DOCK2: variants seen among roughly 807,000 people sequenced by gnomAD.
DOCK2 encodes the protein dedicator of cytokinesis protein 2.
DOCK2 carries 87 observed loss-of-function variants against 248.9 expected under a neutral mutation model. The ratio of observed to expected loss-of-function variants is 0.35; its 90% CI spans 0.29 to 0.42. The LOEUF is 0.42. DOCK2 is among the 10% of genes least tolerant of loss of function. The probability of loss-of-function intolerance (pLI) is 1.00; values close to 1 mark genes in which losing one functional copy is unlikely to be tolerated. For synonymous variants in DOCK2, 805 were observed against 821.6 expected (o/e 0.98, Z 0.35); for missense variants, 1,747 against 2,300.2 (o/e 0.76, Z 4.92).
At chr5:170,019,716 C>T (rs1755655742) in intron 33 of DOCK2, among the ~76,000 whole-genome samples, 1 of 152,168 alleles carries the variant, frequency 6.6e-6, no homozygotes, top group South Asian at 2.1e-4. Context: ...GGTCCATTTC[C>T]CGGGCCTGGT....
intron 26 of DOCK2, among the ~76,000 whole-genome samples, chr5:169,817,849 A>C (rs151321610): frequency 1.3e-5 from 2 of 152,322 alleles, no homozygotes; most frequent in East Asian, 3.9e-4. Context: ...CTCAATAATT[A>C]ATGTCCGTGG....
intron 22 of DOCK2, among the ~76,000 whole-genome samples, chr5:169,741,287 G>A (rs262847): frequency 0.1 from 15,707 of 152,154 alleles, 1,038 homozygotes; most frequent in South Asian, 0.18. Flanking sequence ...TCTCTTTCAC[G>A]AATCCTTTGC....
At chr5:169,930,779 C>T (rs1014780696) in intron 27 of DOCK2, among the ~76,000 whole-genome samples, 7 of 152,192 alleles carry the variant, frequency 4.6e-5, no homozygotes, top group African/African-American at 1.4e-4. Flanking sequence ...GCCTCCATTT[C>T]CAGGTTGTTG....
chr5:169,787,253 A>G (rs1244561947), intron 25 of DOCK2, among the ~76,000 whole-genome samples: 1 of 152,232 alleles, frequency 6.6e-6, no homozygotes, highest in Non-Finnish European at 1.5e-5. Flanking sequence ...TTGATGGCCG[A>G]CATTTCCTTC....
At chr5:169,791,536 T>G (rs530469921) in intron 25 of DOCK2, among the ~76,000 whole-genome samples, 23 of 152,332 alleles carry the variant, frequency 1.5e-4, no homozygotes, top group Non-Finnish European at 2.2e-4. Context: ...GATTTTCTAT[T>G]TAAGGCCAAC....
At chr5:169,780,708 T>A (rs1178631472) in intron 25 of DOCK2, among the ~76,000 whole-genome samples, 1 of 152,174 alleles carries the variant, frequency 6.6e-6, no homozygotes, top group Admixed American at 6.5e-5. Context: ...TTGCCTTCAT[T>A]GAAAGATGGT....
chr5:170,041,274 T>A (rs1472911046), intron 37 of DOCK2, 129 bp downstream of exon 37: 2 of 808,408 alleles, frequency 2.5e-6, no homozygotes, highest in Admixed American at 4.5e-5. Context: ...GTCTCCAAAC[T>A]CTTGAGCTGG....
rs1422693 is a variant in DOCK2 at position 169,955,926 on chromosome 5, G to C, written c.2800-27142G>C. On this transcript the variant is annotated intron_variant, in intron 27 of 51. Coordinates refer to ENST00000520908, the MANE Select transcript of DOCK2 (RefSeq NM_004946.3). ...GCTCAAGTCAGAACAAGCCAAGTGT[G>C]CTTTGGGCAACTAATGTGCCTAAGC... 9.9e-3 allele frequency among the ~76,000 whole-genome samples: 1,503 copies of C among 152,168 alleles called. 72 individuals are homozygous for C. In the East Asian group the frequency reaches 0.14, roughly 14 times the overall value.
intron 27 of DOCK2, among the ~76,000 whole-genome samples, chr5:169,945,442 A>G (rs1776407961): frequency 6.6e-6 from 1 of 152,266 alleles, no homozygotes; most frequent in South Asian, 2.1e-4. Flanking sequence ...AAATGCTAAC[A>G]AGTGTTATTA....
At chr5:169,850,424 G>A (rs920924341) in intron 27 of DOCK2, among the ~76,000 whole-genome samples, 16 of 152,114 alleles carry the variant, frequency 1.1e-4, no homozygotes, top group Non-Finnish European at 2.4e-4. Flanking sequence ...ATTTAATTGA[G>A]AAAATTCCTG....
intron 43 of DOCK2, 67 bp from the exon 44 acceptor site, chr5:170,057,513 C>T (rs760816063): frequency 4.0e-5 from 58 of 1,456,888 alleles, no homozygotes; most frequent in South Asian, 2.1e-4. Flanking sequence ...CAAGCTTCTC[C>T]GATACCCAGG....
At position 169,712,716 on chromosome 5, in the gene DOCK2, G is replaced by A. The variant is rs80205714; in HGVS notation, c.1659+493G>A. ...TCAGTTTCTTTTTTCTTAAGCAGTT[G>A]TGGCAATATTTATGACAACCCACTA... On this transcript the variant is annotated intron_variant, in intron 17 of 51. Transcript: ENST00000520908. 8.3e-3 allele frequency among the ~76,000 whole-genome samples: 1,271 copies of A among 152,242 alleles called. 13 individuals are homozygous for A. The highest frequency in any genetic ancestry group is 0.029 in the African/African-American group (1,214 of 41,536).
intron 27 of DOCK2, among the ~76,000 whole-genome samples, chr5:169,845,584 T>A (rs1378610260): frequency 6.6e-6 from 1 of 152,240 alleles, no homozygotes; most frequent in Non-Finnish European, 1.5e-5. Context: ...TATTCTTGAA[T>A]GTGCTTTCCC....
chr5:169,783,097 C>G (rs992500748), intron 25 of DOCK2, among the ~76,000 whole-genome samples: 1 of 152,114 alleles, frequency 6.6e-6, no homozygotes, highest in African/African-American at 2.4e-5. Flanking sequence ...AGATAATAAG[C>G]AAAGCGCCAT....
At chr5:169,743,735 G>C (rs1009919941) in intron 22 of DOCK2, among the ~76,000 whole-genome samples, 1 of 151,344 alleles carries the variant, frequency 6.6e-6, no homozygotes, top group African/African-American at 2.4e-5. Flanking sequence ...CTTCCCAGCT[G>C]TAGTCATGTC....
chr5:169,842,751 G>C (rs901673313), intron 27 of DOCK2, among the ~76,000 whole-genome samples: 1 of 152,176 alleles, frequency 6.6e-6, no homozygotes, highest in African/African-American at 2.4e-5. Flanking sequence ...TGTGTCATAA[G>C]AAGCACTAAA....
At chr5:169,839,694 A>C (rs1036736587) in intron 26 of DOCK2, among the ~76,000 whole-genome samples, 4 of 152,188 alleles carry the variant, frequency 2.6e-5, no homozygotes, top group African/African-American at 9.7e-5. Flanking sequence ...AACCTGACTC[A>C]CTGTAAATTT....
At chr5:169,713,417 C>G (rs1761696112) in intron 17 of DOCK2, among the ~76,000 whole-genome samples, 1 of 152,166 alleles carries the variant, frequency 6.6e-6, no homozygotes, top group Non-Finnish European at 1.5e-5. Flanking sequence ...ATGCCTACCT[C>G]TAGTCATTCA....
chr5:169,692,302 A>C (rs543449682), intron 9 of DOCK2, among the ~76,000 whole-genome samples: 2 of 152,210 alleles, frequency 1.3e-5, no homozygotes, highest in African/African-American at 4.8e-5. Context: ...AGCACTAATG[A>C]GTTCCTAAAT....
Sources: allele counts gnomAD v4.1 joint callset (sites outside exome capture counted in the v4.1 genomes callset), GRCh38; gene constraint gnomAD v4.1.1; transcripts MANE v1.5; gene names NCBI Gene and HGNC (gene_info 2026-07-23, HGNC 2026-07-21).